The following ARHGAP12 variants were observed in gnomAD, a reference collection of about 807,000 sequenced individuals.
ARHGAP12 encodes Rho GTPase activating protein 12.
ARHGAP12 carries 64 observed loss-of-function variants against 108.6 expected under a neutral mutation model. The ratio of observed to expected loss-of-function variants is 0.59; its 90% CI spans 0.48 to 0.73. ARHGAP12 has a LOEUF of 0.73. Ranked by LOEUF, ARHGAP12 falls within the 30% of genes least tolerant of loss-of-function variation. ARHGAP12 has a pLI of 0.00. For synonymous variants in ARHGAP12, 312 were observed against 337.2 expected (o/e 0.93, Z 0.82); for missense variants, 940 against 1,005.9 (o/e 0.93, Z 0.89).
chr10:31,894,585 A>G (rs1283129522), intron 3 of ARHGAP12, among the ~76,000 whole-genome samples: 1 of 152,230 alleles, frequency 6.6e-6, no homozygotes, highest in Admixed American at 6.5e-5. Context: ...ACCACTGCTC[A>G]GTGAAATAAA....
At chr10:31,855,701 G>C (rs368965489) in intron 4 of ARHGAP12, among the ~76,000 whole-genome samples, 1 of 152,022 alleles carries the variant, frequency 6.6e-6, no homozygotes, top group African/African-American at 2.4e-5. Context: ...ACAGAAAAAG[G>C]GCAACTGAAT....
chr10:31,810,649 C>CA lies in ARHGAP12; in HGVS notation c.2049dup (p.Gly684TrpfsTer5). 6.4e-7 allele frequency: 1 copy of CA among 1,553,494 alleles called. No homozygotes were observed. Among genetic ancestry groups the CA allele is most frequent in the Non-Finnish European group, 8.7e-7 (1 of 1,154,248 alleles). On this transcript the variant is annotated frameshift_variant and splice_region_variant, in exon 16 of 20. Transcript: ENST00000344936. LOFTEE classifies it high-confidence loss of function. ...AAAAAAATCAAAATCCTTCTCTTAC[C>CA]ATGTTCTTCAACATGTTCAATACAT...
chr10:31,925,829 G>A (rs1376655403), intron 1 of ARHGAP12, among the ~76,000 whole-genome samples: 1 of 152,146 alleles, frequency 6.6e-6, no homozygotes, highest in Non-Finnish European at 1.5e-5. Flanking sequence ...AATGCTCTAA[G>A]TGTAAAACAC....
At chr10:31,834,804 G>C (rs1835951534) in intron 9 of ARHGAP12, among the ~76,000 whole-genome samples, 1 of 152,104 alleles carries the variant, frequency 6.6e-6, no homozygotes. Flanking sequence ...CAATAACAGA[G>C]AAAATAAAGC....
chr10:31,818,993 T>TAAGA (rs1835311858), intron 12 of ARHGAP12, among the ~76,000 whole-genome samples: 1 of 152,132 alleles, frequency 6.6e-6, no homozygotes, highest in Admixed American at 6.5e-5. Flanking sequence ...TTACTGCACA[T>TAAGA]AAGATACTCT....
At chr10:31,842,643 T>C (rs1836311934) in intron 7 of ARHGAP12, among the ~76,000 whole-genome samples, 1 of 152,132 alleles carries the variant, frequency 6.6e-6, no homozygotes, top group African/African-American at 2.4e-5. Flanking sequence ...AATTTAGGAC[T>C]GAAAGTATCC....
intron 1 of ARHGAP12, among the ~76,000 whole-genome samples, chr10:31,914,822 A>G (rs1278835376): frequency 1.3e-5 from 2 of 152,248 alleles, no homozygotes; most frequent in Non-Finnish European, 2.9e-5. Flanking sequence ...TCAGTATGTG[A>G]AGAGATATCT....
intron 4 of ARHGAP12, among the ~76,000 whole-genome samples, chr10:31,858,142 G>GC (rs1836956151): frequency 6.6e-6 from 1 of 152,094 alleles, no homozygotes; most frequent in Non-Finnish European, 1.5e-5. Context: ...GTTTGAGACT[G>GC]CAGTGAGAGC....
At chr10:31,812,166 G>C (rs1835046574) in intron 15 of ARHGAP12, among the ~76,000 whole-genome samples, 1 of 151,858 alleles carries the variant, frequency 6.6e-6, no homozygotes, top group African/African-American at 2.4e-5. Flanking sequence ...ACGCTCGTAA[G>C]AACTACATAC....
At chr10:31,841,069 T>C (rs1487816744) in intron 7 of ARHGAP12, among the ~76,000 whole-genome samples, 1 of 152,112 alleles carries the variant, frequency 6.6e-6, no homozygotes, top group African/African-American at 2.4e-5. Context: ...ATATTTTTCA[T>C]AGCACATTCA....
At chr10:31,895,336 G>T (rs566208951) in intron 3 of ARHGAP12, among the ~76,000 whole-genome samples, 29 of 152,236 alleles carry the variant, frequency 1.9e-4, no homozygotes, top group Admixed American at 9.2e-4. Flanking sequence ...GAGAAAATTT[G>T]TGCAATCTAC....
chr10:31,912,974 T>G (rs901556934), intron 1 of ARHGAP12, among the ~76,000 whole-genome samples: 3 of 152,328 alleles, frequency 2.0e-5, no homozygotes, highest in Non-Finnish European at 2.9e-5. Context: ...ATATAGGTCA[T>G]CTCTTCATTC....
chr10:31,855,079 GA>G, intron 4 of ARHGAP12, among the ~76,000 whole-genome samples: 2 of 92,174 alleles, frequency 2.2e-5, no homozygotes, highest in East Asian at 8.4e-4. Context: ...GGGAGGAAAG[GA>G]GGGGGCGAAA....
intron 19 of ARHGAP12, chr10:31,808,421 C>A: frequency 2.7e-6 from 1 of 376,168 alleles, no homozygotes. Flanking sequence ...ATGTGCTAAG[C>A]ATTACATAAA....
At chr10:31,878,724 GC>G in intron 3 of ARHGAP12, among the ~76,000 whole-genome samples, 1 of 152,170 alleles carries the variant, frequency 6.6e-6, no homozygotes, top group East Asian at 1.9e-4. Flanking sequence ...AGGTTCTCAT[GC>G]TACAATGGCA....
chr10:31,871,371 T>C (rs752557063), intron 3 of ARHGAP12, among the ~76,000 whole-genome samples: 11 of 152,176 alleles, frequency 7.2e-5, no homozygotes, highest in Non-Finnish European at 1.3e-4. Flanking sequence ...TTTCTAGTTA[T>C]TGAAACTCAG....
chr10:31,881,786 T>C (rs1299003897), intron 3 of ARHGAP12, among the ~76,000 whole-genome samples: 1 of 152,210 alleles, frequency 6.6e-6, no homozygotes, highest in Non-Finnish European at 1.5e-5. Flanking sequence ...GTTTAAAAAA[T>C]ACTTTTGTTA....
chr10:31,911,743 C>T (rs779421301), intron 1 of ARHGAP12, among the ~76,000 whole-genome samples: 2 of 152,156 alleles, frequency 1.3e-5, no homozygotes, highest in African/African-American at 4.8e-5. Flanking sequence ...TGCAATAAAA[C>T]ATACACAATG....
chr10:31,843,664 C>T, intron 6 of ARHGAP12, 78 bp from the exon 7 acceptor site: 1 of 1,446,900 alleles, frequency 6.9e-7, no homozygotes, highest in Non-Finnish European at 9.1e-7. Context: ...AACATCTTGG[C>T]TCCAAATGAC....
Sources: allele counts gnomAD v4.1 joint callset (sites outside exome capture counted in the v4.1 genomes callset), GRCh38; gene constraint gnomAD v4.1.1; transcripts MANE v1.5; gene names NCBI Gene and HGNC (gene_info 2026-07-23, HGNC 2026-07-21).